NME7: variants seen among roughly 807,000 people sequenced by gnomAD.
NME7 encodes NME/NM23 family member 7.
A neutral mutation model predicts 49.1 loss-of-function variants in NME7; 41 were observed. The observed-to-expected ratio is 0.83, with a 90% confidence interval of 0.65 to 1.08. The LOEUF (loss-of-function observed/expected upper bound fraction) is 1.08. NME7 is among the 50% of genes least tolerant of loss of function. The probability of loss-of-function intolerance (pLI) is 0.00; values close to 1 mark genes in which losing one functional copy is unlikely to be tolerated. For missense variants in NME7, 423 were observed against 463.4 expected (o/e 0.91, Z 0.80); for synonymous variants, 139 against 150.6 (o/e 0.92, Z 0.56).
chr1:169,219,902 C>T (rs888964967), intron 10 of NME7, among the ~76,000 whole-genome samples: 8 of 152,090 alleles, frequency 5.3e-5, no homozygotes, highest in South Asian at 2.1e-4. Context: ...TTCTGAAATG[C>T]GTTCCAATAT....
intron 11 of NME7, among the ~76,000 whole-genome samples, chr1:169,146,779 T>C (rs12082618): frequency 0.39 from 59,304 of 152,016 alleles, 11,918 homozygotes; most frequent in East Asian, 0.74. Flanking sequence ...GCCCCTGCCC[T>C]CAAGGAGTTC....
chr1:169,325,604 G>C (rs922880928), intron 1 of NME7, among the ~76,000 whole-genome samples: 1 of 152,136 alleles, frequency 6.6e-6, no homozygotes, highest in African/African-American at 2.4e-5. Flanking sequence ...AAAGCATAGG[G>C]AAGAAGGGAA....
At chr1:169,225,210 G>A (rs1312337114) in intron 10 of NME7, among the ~76,000 whole-genome samples, 1 of 152,172 alleles carries the variant, frequency 6.6e-6, no homozygotes, top group Non-Finnish European at 1.5e-5. Context: ...CCGGGTTCAA[G>A]CAATTCTCCT....
At chr1:169,335,630 T>C (rs916155814) in intron 1 of NME7, among the ~76,000 whole-genome samples, 5 of 151,148 alleles carry the variant, frequency 3.3e-5, no homozygotes, top group Non-Finnish European at 7.4e-5. Context: ...TGTGTACCTA[T>C]GTAACAAACC....
intron 10 of NME7, among the ~76,000 whole-genome samples, chr1:169,204,721 A>G (rs891540667): frequency 6.6e-6 from 1 of 152,136 alleles, no homozygotes; most frequent in Non-Finnish European, 1.5e-5. Context: ...TTATTTTGCC[A>G]TTGTCTGTAA....
At chr1:169,183,576 C>T (rs10919087) in intron 10 of NME7, among the ~76,000 whole-genome samples, 12,573 of 151,400 alleles carry the variant, frequency 0.083, 709 homozygotes, top group Admixed American at 0.19. Flanking sequence ...CTGAGGCGGG[C>T]GGATCACGAG....
chr1:169,303,400 A>T, intron 4 of NME7: 1 of 270,628 alleles, frequency 3.7e-6, no homozygotes, highest in Non-Finnish European at 6.7e-6. Flanking sequence ...AATAAAAATT[A>T]ATGTAGGAGG....
chr1:169,287,287 A>C lies in NME7; in HGVS notation c.754+16T>G. ...CCTATTAACAAAATGTACTGAATAT[A>C]GTGTATTCAACATACCTTCACTGAC... is the stretch of plus-strand genomic sequence containing the variant. On this transcript the variant is annotated intron_variant, in intron 7 of 11. Coordinates refer to ENST00000367811, the MANE Select transcript of NME7 (RefSeq NM_013330.5). 1 of 1,533,606 alleles carries C rather than the reference A, an allele frequency of 6.5e-7. No homozygotes were observed. Among genetic ancestry groups the C allele is most frequent in the Non-Finnish European group, 9.0e-7 (1 of 1,108,374 alleles). 95.0% of individuals were successfully genotyped at this position (1,533,606 alleles called of 1,614,324 possible). A position where few individuals can be genotyped will look rare whatever the true frequency, so the allele number is the denominator to read the frequency against.
chr1:169,337,311 G>A (rs182012359), intron 1 of NME7, among the ~76,000 whole-genome samples: 2 of 152,296 alleles, frequency 1.3e-5, no homozygotes, highest in African/African-American at 4.8e-5. Flanking sequence ...CTCCGCAGCT[G>A]CTGGCCCGGG....
intron 3 of NME7, among the ~76,000 whole-genome samples, chr1:169,311,441 C>G (rs1048496898): frequency 7.7e-6 from 1 of 130,180 alleles, no homozygotes; most frequent in Non-Finnish European, 1.6e-5. Flanking sequence ...AAAAAAAAAT[C>G]AAATATCCTT....
rs71121752 is a variant in NME7 at position 169,286,953 on chromosome 1, C to CAA, written c.754+348_754+349dup. 3.1e-3 allele frequency: 362 copies of CAA among 118,524 alleles called. 1 individual carries two copies. The highest frequency in any genetic ancestry group is 7.8e-3 in the South Asian group (32 of 4,080). 7.3% of individuals were successfully genotyped at this position (118,524 alleles called of 1,614,324 possible). ...TGGACAACAGAACTAGACTCTGTCT[C>CAA]AAAAAAAAAAAAAAAAAGTGCTATT... On this transcript the variant is annotated intron_variant, in intron 7 of 11. Transcript: ENST00000367811.
rs11811461 is a variant in NME7 at position 169,341,858 on chromosome 1, C to T, written c.4-17358G>A. 5.3e-5 allele frequency among the ~76,000 whole-genome samples: 8 copies of T among 152,248 alleles called. No individual in the cohort carries two copies. The East Asian group carries it at 1.4e-3, about 26-fold the overall frequency. On this transcript the variant is annotated intron_variant, in intron 1 of 11. Coordinates refer to ENST00000367811, the MANE Select transcript of NME7 (RefSeq NM_013330.5). ...TTGGTTTGGCCAATTTCTCCCATTT[C>T]GAATGGGAACATTTACCCAATGCCT...
At chr1:169,193,258 G>C (rs556124566) in intron 10 of NME7, among the ~76,000 whole-genome samples, 16 of 152,184 alleles carry the variant, frequency 1.1e-4, no homozygotes, top group African/African-American at 3.9e-4. Context: ...AAGGTGAAAG[G>C]GTGGCACATG....
rs116773037 is a variant in NME7 at position 169,198,109 on chromosome 1, G to T, written c.991-28555C>A. ...CCAATAAGCACATAAAAAGATACTC[G>T]ATATCACTAGTCAATAGGGAAATGC... On this transcript the variant is annotated intron_variant, in intron 10 of 11. Coordinates refer to ENST00000367811, the MANE Select transcript of NME7 (RefSeq NM_013330.5). Among the ~76,000 whole-genome samples the T allele has an allele frequency of 6.2e-3, 940 of 152,004 alleles. 10 individuals carry two copies. The highest frequency in any genetic ancestry group is 0.021 in the African/African-American group (885 of 41,504).
chr1:169,161,917 T>C (rs768554713), intron 11 of NME7, among the ~76,000 whole-genome samples: 2 of 152,124 alleles, frequency 1.3e-5, no homozygotes, highest in Non-Finnish European at 1.5e-5. Flanking sequence ...ATTGATCCCA[T>C]AGGTAACATC....
intron 6 of NME7, among the ~76,000 whole-genome samples, chr1:169,291,822 T>C (rs1027004337): frequency 6.6e-6 from 1 of 152,118 alleles, no homozygotes; most frequent in Non-Finnish European, 1.5e-5. Context: ...TGAAGTATTT[T>C]TAATTGATAT....
intron 7 of NME7, among the ~76,000 whole-genome samples, chr1:169,254,268 A>G (rs896733291): frequency 6.6e-6 from 1 of 151,992 alleles, no homozygotes; most frequent in Non-Finnish European, 1.5e-5. Context: ...TCAGAGATTC[A>G]ACTTCTTCCT....
At chr1:169,256,009 T>C (rs1265457935) in intron 7 of NME7, among the ~76,000 whole-genome samples, 1 of 133,306 alleles carries the variant, frequency 7.5e-6, no homozygotes, top group Non-Finnish European at 1.8e-5. Flanking sequence ...TTTACCTTCA[T>C]TTCAACTTTG....
intron 10 of NME7, among the ~76,000 whole-genome samples, chr1:169,185,106 C>T (rs972078942): frequency 5.3e-5 from 8 of 152,142 alleles, no homozygotes; most frequent in Non-Finnish European, 8.8e-5. Flanking sequence ...CCATTCTGAA[C>T]TAAAGCTACT....
Sources: allele counts gnomAD v4.1 joint callset (sites outside exome capture counted in the v4.1 genomes callset), GRCh38; gene constraint gnomAD v4.1.1; transcripts MANE v1.5; gene names NCBI Gene and HGNC (gene_info 2026-07-23, HGNC 2026-07-21).